The following GABBR2 variants were observed in gnomAD, a reference collection of about 807,000 sequenced individuals.
GABBR2 encodes the protein G-protein coupled receptor 51.
In GABBR2, 23 loss-of-function variants were observed where a neutral mutation model predicts 105.6. The observed-to-expected ratio is 0.22, with a 90% CI of 0.16 to 0.31. GABBR2 has a LOEUF of 0.31. Among genes scored for constraint, GABBR2 ranks in the 10% least tolerant of loss-of-function variants. GABBR2 has a pLI of 1.00. For missense variants in GABBR2, 734 were observed against 1,245.5 expected (o/e 0.59, Z 6.18); for synonymous variants, 478 against 499.7 (o/e 0.96, Z 0.58).
chr9:98,341,164 G>A (rs1369487625), intron 13 of GABBR2, among the ~76,000 whole-genome samples: 4 of 152,318 alleles, frequency 2.6e-5, no homozygotes, highest in South Asian at 2.1e-4. Flanking sequence ...GCAATCTCTC[G>A]TGAATCCAAC....
intron 7 of GABBR2, among the ~76,000 whole-genome samples, chr9:98,440,635 T>A (rs1826014889): frequency 6.6e-6 from 1 of 152,088 alleles, no homozygotes; most frequent in Admixed American, 6.5e-5. Flanking sequence ...GTGGCAGTGG[T>A]GGTTAGAATT....
chr9:98,323,210 G>T (rs1341731879), intron 13 of GABBR2, among the ~76,000 whole-genome samples: 1 of 152,208 alleles, frequency 6.6e-6, no homozygotes, highest in Non-Finnish European at 1.5e-5. Context: ...GTGTGCCCTG[G>T]TCATGGTGTG....
chr9:98,708,685 G>C lies in GABBR2; in HGVS notation c.53C>G (p.Pro18Arg). ...TAGCAGTAGCAGGCGCGCGGGCGGC[G>C]GTGGCGGCGGCGGCGGCGGCCCGGG... ...GQPGPPPPPP[P>R]PPARLLLLLL... Residue 18 changes from proline (P) to arginine (R), a missense_variant, in exon 1 of 19, where the codon CCG (proline) becomes CGG (arginine). This residue lies in a region of GABBR2 where 70 missense variants were observed against 73.4 expected (regional missense o/e 0.95). Coordinates refer to ENST00000259455, the MANE Select transcript of GABBR2 (RefSeq NM_005458.8). 3 of 1,081,908 alleles carry C rather than the reference G, an allele frequency of 2.8e-6. No individual in the cohort carries two copies. The highest frequency in any genetic ancestry group is 3.4e-6 in the Non-Finnish European group (3 of 894,076). 67.0% of individuals were successfully genotyped at this position (1,081,908 alleles called of 1,614,324 possible).
At chr9:98,344,299 T>C (rs1322594314) in intron 13 of GABBR2, among the ~76,000 whole-genome samples, 2 of 152,156 alleles carry the variant, frequency 1.3e-5, no homozygotes, top group Non-Finnish European at 2.9e-5. Flanking sequence ...TCACCACAAG[T>C]AGAGTAGGTG....
intron 11 of GABBR2, among the ~76,000 whole-genome samples, chr9:98,373,250 C>T (rs1405394440): frequency 6.6e-6 from 1 of 152,154 alleles, no homozygotes; most frequent in Non-Finnish European, 1.5e-5. Flanking sequence ...ATTTGTTCAT[C>T]TTCAACAAGT....
intron 13 of GABBR2, among the ~76,000 whole-genome samples, chr9:98,335,237 T>C (rs944506393): frequency 2.6e-5 from 4 of 152,200 alleles, no homozygotes; most frequent in South Asian, 2.1e-4. Flanking sequence ...GCGTAGCTCT[T>C]TGGGGTCTGC....
chr9:98,628,000 A>G (rs1489002301), intron 1 of GABBR2, among the ~76,000 whole-genome samples: 1 of 152,246 alleles, frequency 6.6e-6, no homozygotes, highest in Admixed American at 6.5e-5. Flanking sequence ...TCATGTTCCA[A>G]TTGTAGCTAA....
intron 13 of GABBR2, among the ~76,000 whole-genome samples, chr9:98,314,015 C>T (rs76541395): frequency 0.019 from 2,841 of 152,230 alleles, 86 homozygotes; most frequent in African/African-American, 0.064. Context: ...ATTTGCCTTT[C>T]GCTGTCCCAA....
chr9:98,392,382 C>A (rs1018674204), intron 9 of GABBR2, among the ~76,000 whole-genome samples: 2 of 152,210 alleles, frequency 1.3e-5, no homozygotes, highest in African/African-American at 4.8e-5. Context: ...GCAGACATGC[C>A]GATCTTGGGG....
intron 1 of GABBR2, among the ~76,000 whole-genome samples, chr9:98,653,788 G>A (rs1830142175): frequency 1.3e-5 from 2 of 151,952 alleles, no homozygotes; most frequent in Admixed American, 1.3e-4. Context: ...TATGTAATCA[G>A]AAGGGAGAAG....
intron 7 of GABBR2, among the ~76,000 whole-genome samples, chr9:98,448,477 G>GA (rs141627737): frequency 0.027 from 4,096 of 152,282 alleles, 194 homozygotes; most frequent in African/African-American, 0.094. Flanking sequence ...TGCTCAGGCT[G>GA]AAGTACAGAG....
intron 1 of GABBR2, among the ~76,000 whole-genome samples, chr9:98,650,558 C>T (rs934962639): frequency 4.0e-5 from 6 of 151,032 alleles, no homozygotes; most frequent in African/African-American, 7.3e-5. Context: ...TAAATTCCAA[C>T]GGAAAAAAAA....
At chr9:98,647,840 C>T (rs1296799994) in intron 1 of GABBR2, among the ~76,000 whole-genome samples, 1 of 152,118 alleles carries the variant, frequency 6.6e-6, no homozygotes, top group African/African-American at 2.4e-5. Flanking sequence ...AGCGCTGGCT[C>T]TGATACGAAG....
rs77412152 is a variant in GABBR2 at position 98,356,125 on chromosome 9, T to C, written c.1893+6590A>G. Among the ~76,000 whole-genome samples the C allele has an allele frequency of 6.3e-3, 967 of 152,312 alleles. 7 individuals are homozygous for C. The highest frequency in any genetic ancestry group is 0.01 in the Non-Finnish European group (685 of 68,028). ...TAACAGAAAAAAATCAAGGTAACTT[T>C]GTGTTTGGCAATGAGTGTTTTGATA... On this transcript the variant is annotated intron_variant, in intron 13 of 18. Coordinates refer to ENST00000259455, the MANE Select transcript of GABBR2 (RefSeq NM_005458.8).
chr9:98,570,586 A>C (rs1222944019), intron 2 of GABBR2, among the ~76,000 whole-genome samples: 1 of 152,016 alleles, frequency 6.6e-6, no homozygotes, highest in African/African-American at 2.4e-5. Context: ...CCCAGCTCCA[A>C]ATTCTCCTGG....
chr9:98,291,446 G>C (rs1030583159), intron 18 of GABBR2, among the ~76,000 whole-genome samples: 1 of 152,154 alleles, frequency 6.6e-6, no homozygotes, highest in African/African-American at 2.4e-5. Context: ...ATCCCTGAAA[G>C]ACTTCTCGCC....
intron 13 of GABBR2, among the ~76,000 whole-genome samples, chr9:98,342,064 G>A (rs995919245): frequency 6.6e-6 from 1 of 152,102 alleles, no homozygotes; most frequent in African/African-American, 2.4e-5. Flanking sequence ...GACAAGAGGG[G>A]ACCGGCACAC....
Position 98,543,747 on chromosome 9 carries a change from T to C in GABBR2, c.460-1704A>G, listed in dbSNP as rs1442070815. Among the ~76,000 whole-genome samples the C allele has an allele frequency of 2.0e-5, 3 of 152,218 alleles. No homozygotes were observed. The East Asian group carries it at 5.8e-4, about 29-fold the overall frequency. On this transcript the variant is annotated intron_variant, in intron 2 of 18. Transcript: ENST00000259455. ...TTTCTAATTTGACTAGTAGTCTTCC[T>C]TATCAGTTTATAGAAATGATCTTTT...
Position 98,660,788 on chromosome 9 carries a change from T to G in GABBR2, c.321+47629A>C, listed in dbSNP as rs201283375. ...GGCCCCTTTCTTTCCTCACTCAAAC[T>G]TCCTGGTTCTATGCCCGTGTCTCCT... On this transcript the variant is annotated intron_variant, in intron 1 of 18. Coordinates refer to ENST00000259455, the MANE Select transcript of GABBR2 (RefSeq NM_005458.8). Among the ~76,000 whole-genome samples the G allele has an allele frequency of 1.8e-4, 28 of 152,338 alleles. No homozygotes were observed. In the East Asian group the frequency reaches 5.0e-3, roughly 27 times the overall value.
Sources: gnomAD v4.1 joint callset for allele counts (sites outside exome capture counted in the v4.1 genomes callset) on GRCh38, gnomAD v4.1.1 for gene constraint, gnomAD v4.1.1 regional missense constraint, MANE v1.5 for transcripts, NCBI Gene and HGNC (gene_info 2026-07-23, HGNC 2026-07-21) for gene names.